UBE2H: variants seen among roughly 807,000 people sequenced by gnomAD.
UBE2H encodes ubiquitin-conjugating enzyme E2 H.
A neutral mutation model predicts 29.0 loss-of-function variants in UBE2H; 3 were observed. That is an observed-to-expected ratio of 0.10 (90% CI 0.05 to 0.27). The LOEUF (loss-of-function observed/expected upper bound fraction) is 0.27, where lower values mean the gene tolerates loss of function less well. Among genes scored for constraint, UBE2H ranks in the 10% least tolerant of loss-of-function variants. The pLI is 1.00. For synonymous variants in UBE2H, 69 were observed against 82.9 expected, an observed-to-expected ratio of 0.83 and a Z score of 0.91; for missense variants, 68 against 228.2, an observed-to-expected ratio of 0.30 and a Z score of 4.52.
At chr7:129,949,084 T>C (rs1807823959) in intron 1 of UBE2H, 1 of 455,600 alleles carries the variant, frequency 2.2e-6, no homozygotes, top group Admixed American at 2.4e-5. Flanking sequence ...CAAGCAGCTC[T>C]AGCCTTCAGC....
At chr7:129,922,572 C>T (rs1012935212) in intron 1 of UBE2H, among the ~76,000 whole-genome samples, 3 of 152,008 alleles carry the variant, frequency 2.0e-5, no homozygotes, top group African/African-American at 7.2e-5. Context: ...CCACTGTGCC[C>T]AGAAAAACAG....
intron 3 of UBE2H, among the ~76,000 whole-genome samples, chr7:129,870,054 A>C (rs1345638515): frequency 6.6e-6 from 1 of 152,180 alleles, no homozygotes; most frequent in Non-Finnish European, 1.5e-5. Flanking sequence ...TGAGAAGATG[A>C]AAGCCAATTG....
At chr7:129,878,175 A>G (rs1160815522) in intron 3 of UBE2H, among the ~76,000 whole-genome samples, 2 of 152,176 alleles carry the variant, frequency 1.3e-5, no homozygotes, top group African/African-American at 4.8e-5. Flanking sequence ...GTACAGGCGT[A>G]TACGTTTCTA....
chr7:129,926,040 T>C (rs542801664), intron 1 of UBE2H, among the ~76,000 whole-genome samples: 5 of 152,352 alleles, frequency 3.3e-5, no homozygotes, highest in African/African-American at 1.2e-4. Flanking sequence ...TATAAGTATT[T>C]CCTTCCTTTT....
chr7:129,936,855 G>A (rs1382689021), intron 1 of UBE2H, among the ~76,000 whole-genome samples: 53 of 149,650 alleles, frequency 3.5e-4, no homozygotes, highest in Non-Finnish European at 1.5e-5. Context: ...GCAGGCGCCT[G>A]TAATCCCAGC....
At chr7:129,920,666 A>G (rs1302495810) in intron 1 of UBE2H, among the ~76,000 whole-genome samples, 1 of 152,130 alleles carries the variant, frequency 6.6e-6, no homozygotes, top group African/African-American at 2.4e-5. Flanking sequence ...CAGGAAAGAC[A>G]TCACAGGAGG....
At chr7:129,951,698 C>A (rs1807879242) in intron 1 of UBE2H, among the ~76,000 whole-genome samples, 1 of 152,094 alleles carries the variant, frequency 6.6e-6, no homozygotes, top group South Asian at 2.1e-4. Flanking sequence ...CAAGTATTCC[C>A]CCAAGAACCT....
At chr7:129,952,410 T>A in intron 1 of UBE2H, 93 bp downstream of exon 1, 1 of 1,488,252 alleles carries the variant, frequency 6.7e-7, no homozygotes, top group African/African-American at 1.4e-5. Context: ...TGGCCTGGAG[T>A]GCCCCAGGGC....
intron 1 of UBE2H, among the ~76,000 whole-genome samples, chr7:129,897,790 G>C (rs1306772149): frequency 6.6e-6 from 1 of 152,112 alleles, no homozygotes; most frequent in Non-Finnish European, 1.5e-5. Context: ...TGTATAAACA[G>C]TGTTTAAAAA....
chr7:129,934,525 C>G (rs1271853175), intron 1 of UBE2H, among the ~76,000 whole-genome samples: 1 of 150,656 alleles, frequency 6.6e-6, no homozygotes, highest in African/African-American at 2.4e-5. Flanking sequence ...GTAATCCCAG[C>G]TACTCAGGAG....
At chr7:129,910,016 G>C (rs1394494338) in intron 1 of UBE2H, among the ~76,000 whole-genome samples, 1 of 152,050 alleles carries the variant, frequency 6.6e-6, no homozygotes, top group Non-Finnish European at 1.5e-5. Flanking sequence ...AAGATGCAAG[G>C]CTTGAGGTGA....
At chr7:129,906,070 A>G (rs1806808899) in intron 1 of UBE2H, among the ~76,000 whole-genome samples, 1 of 152,208 alleles carries the variant, frequency 6.6e-6, no homozygotes, top group Admixed American at 6.5e-5. Flanking sequence ...GCCATCCAAG[A>G]CCAGAGCTCA....
intron 1 of UBE2H, among the ~76,000 whole-genome samples, chr7:129,912,910 A>G (rs1371597349): frequency 6.6e-6 from 1 of 152,220 alleles, no homozygotes. Flanking sequence ...TGTTCAACAC[A>G]ACCAAGTACA....
At chr7:129,846,827 C>T (rs1030682466) in intron 5 of UBE2H, among the ~76,000 whole-genome samples, 9 of 152,090 alleles carry the variant, frequency 5.9e-5, no homozygotes, top group Non-Finnish European at 4.4e-5. Context: ...TCCCACTTAC[C>T]CCATCCCCTT....
intron 5 of UBE2H, among the ~76,000 whole-genome samples, chr7:129,854,068 T>TTTTTTTTTTTATTTTTTTTTTA (rs1563022987): frequency 9.4e-5 from 14 of 148,706 alleles, no homozygotes; most frequent in Non-Finnish European, 2.1e-4. Flanking sequence ...TAGTTTTTTT[T>TTTTTTTTTTTATTTTTTTTTTA]TTTTTTTTTT....
chr7:129,887,034 A>T (rs1584766069), intron 1 of UBE2H, among the ~76,000 whole-genome samples: 2 of 152,166 alleles, frequency 1.3e-5, no homozygotes, highest in African/African-American at 4.8e-5. Flanking sequence ...GCGGCACATG[A>T]TTTGTTACAC....
chr7:129,934,790 A>G (rs997639124), intron 1 of UBE2H, among the ~76,000 whole-genome samples: 2 of 151,478 alleles, frequency 1.3e-5, no homozygotes, highest in Middle Eastern at 3.4e-3. Flanking sequence ...TTTAAAAAAC[A>G]GTCAGGGTGG....
At chr7:129,943,598 AAAAC>A (rs1318815030) in intron 1 of UBE2H, among the ~76,000 whole-genome samples, 3 of 152,028 alleles carry the variant, frequency 2.0e-5, no homozygotes, top group African/African-American at 4.8e-5. Flanking sequence ...CACAAACACA[AAAAC>A]AAACAAAAAA....
intron 3 of UBE2H, among the ~76,000 whole-genome samples, chr7:129,873,941 T>C (rs931181067): frequency 1.3e-5 from 2 of 152,216 alleles, no homozygotes; most frequent in South Asian, 2.1e-4. Flanking sequence ...ACTGAAAATA[T>C]GTAGATATAG....
Sources: gnomAD v4.1 joint callset for allele counts (sites outside exome capture counted in the v4.1 genomes callset) on GRCh38, gnomAD v4.1.1 for gene constraint, MANE v1.5 for transcripts, NCBI Gene and HGNC (gene_info 2026-07-23, HGNC 2026-07-21) for gene names.